The following LRP1B variants were observed in gnomAD, a reference collection of about 807,000 sequenced individuals.
LRP1B encodes the protein LDL receptor related protein 1B, also known as low-density lipoprotein receptor-related protein 1B.
Under a neutral mutation model 556.6 loss-of-function variants are expected in LRP1B, and 217 were observed. The observed-to-expected ratio is 0.39, with a 90% CI of 0.35 to 0.44. The LOEUF (loss-of-function observed/expected upper bound fraction) is 0.44, where lower values mean the gene tolerates loss of function less well. LRP1B is among the 20% of genes least tolerant of loss of function. The pLI is 1.00. For synonymous variants in LRP1B, 2,047 were observed against 1,865.8 expected, an observed-to-expected ratio of 1.10 and a Z score of -2.50; for missense variants, 5,053 against 5,620.8, an observed-to-expected ratio of 0.90 and a Z score of 3.23.
intron 3 of LRP1B, among the ~76,000 whole-genome samples, chr2:141,375,823 G>T (rs767081064): frequency 1.3e-5 from 2 of 152,166 alleles, no homozygotes; most frequent in African/African-American, 4.8e-5. Context: ...CTGTGGGGCA[G>T]TGAGTACTGC....
At chr2:141,974,297 T>C (rs528005929) in intron 1 of LRP1B, among the ~76,000 whole-genome samples, 7 of 152,128 alleles carry the variant, frequency 4.6e-5, no homozygotes, top group Admixed American at 1.3e-4. Context: ...ATTCCATGAC[T>C]GGCTGTAGCA....
chr2:141,330,217 A>C (rs1022110978), intron 3 of LRP1B, among the ~76,000 whole-genome samples: 7 of 152,224 alleles, frequency 4.6e-5, no homozygotes, highest in African/African-American at 1.7e-4. Context: ...ATGTAATCAA[A>C]TCAAATATGT....
At chr2:141,796,690 A>T (rs1695824200) in intron 2 of LRP1B, among the ~76,000 whole-genome samples, 1 of 151,588 alleles carries the variant, frequency 6.6e-6, no homozygotes, top group South Asian at 2.1e-4. Flanking sequence ...CATAACAGAG[A>T]CAGCTATATT....
chr2:141,757,941 T>C (rs1694382887), intron 2 of LRP1B, among the ~76,000 whole-genome samples: 1 of 152,108 alleles, frequency 6.6e-6, no homozygotes, highest in African/African-American at 2.4e-5. Flanking sequence ...ATAACAATGG[T>C]GAATGCAAAA....
chr2:142,115,532 TATTACATATGTAA>T (rs1707174289), intron 1 of LRP1B, among the ~76,000 whole-genome samples: 1 of 50,000 alleles, frequency 2.0e-5, no homozygotes, highest in African/African-American at 6.0e-5. Context: ...ATAATATATA[TATTACATATGTAA>T]TATATATATT....
chr2:140,300,832 T>G (rs1683788865), intron 83 of LRP1B, among the ~76,000 whole-genome samples: 1 of 152,080 alleles, frequency 6.6e-6, no homozygotes, highest in African/African-American at 2.4e-5. Flanking sequence ...TGTGAAGCAT[T>G]TCTAGCTGTA....
At chr2:141,439,122 A>C (rs1245516654) in intron 3 of LRP1B, among the ~76,000 whole-genome samples, 1 of 152,154 alleles carries the variant, frequency 6.6e-6, no homozygotes, top group Non-Finnish European at 1.5e-5. Context: ...ATGTTTAAAA[A>C]TGTTAAGATT....
chr2:140,337,257 T>A (rs546696502), intron 77 of LRP1B, among the ~76,000 whole-genome samples: 2 of 151,864 alleles, frequency 1.3e-5, no homozygotes, highest in Admixed American at 1.3e-4. Flanking sequence ...TATTGGACTT[T>A]AAAACTGAAA....
At chr2:140,633,244 T>C (rs1683953832) in intron 41 of LRP1B, among the ~76,000 whole-genome samples, 1 of 151,628 alleles carries the variant, frequency 6.6e-6, no homozygotes. Flanking sequence ...AGGAGAAGAC[T>C]CAAGAGTAGC....
At chr2:141,923,916 A>G (rs1427230214) in intron 1 of LRP1B, among the ~76,000 whole-genome samples, 1 of 152,042 alleles carries the variant, frequency 6.6e-6, no homozygotes, top group Non-Finnish European at 1.5e-5. Flanking sequence ...CATTGCACCC[A>G]AATATTTTCT....
intron 66 of LRP1B, among the ~76,000 whole-genome samples, chr2:140,418,215 G>T (rs1685281405): frequency 6.6e-6 from 1 of 152,170 alleles, no homozygotes; most frequent in African/African-American, 2.4e-5. Flanking sequence ...TGTGATTTTT[G>T]ATATGTTTCA....
intron 11 of LRP1B, among the ~76,000 whole-genome samples, chr2:141,039,950 T>A (rs1194949305): frequency 6.6e-6 from 1 of 152,104 alleles, no homozygotes; most frequent in Non-Finnish European, 1.5e-5. Flanking sequence ...TTTTCAAGAA[T>A]CAAATCTCAA....
At chr2:141,221,847 A>G (rs997329925) in intron 6 of LRP1B, among the ~76,000 whole-genome samples, 16 of 152,246 alleles carry the variant, frequency 1.1e-4, no homozygotes, top group Admixed American at 5.9e-4. Context: ...TAATGAAATT[A>G]AGGCAGAAAT....
chr2:140,806,900 C>T (rs1690737059), intron 32 of LRP1B, among the ~76,000 whole-genome samples: 1 of 152,170 alleles, frequency 6.6e-6, no homozygotes, highest in Non-Finnish European at 1.5e-5. Context: ...TGTATTTTCT[C>T]TTATCTCCAT....
intron 7 of LRP1B, among the ~76,000 whole-genome samples, chr2:141,173,556 C>T (rs1680599066): frequency 6.6e-6 from 1 of 152,088 alleles, no homozygotes; most frequent in South Asian, 2.1e-4. Context: ...ACTTATTTAG[C>T]TCTTTCAGAC....
At chr2:142,065,466 T>C (rs965629029) in intron 1 of LRP1B, among the ~76,000 whole-genome samples, 1 of 151,218 alleles carries the variant, frequency 6.6e-6, no homozygotes, top group African/African-American at 2.4e-5. Context: ...CATCTCCCTC[T>C]GACTCTCTTG....
chr2:140,802,445 G>T lies in LRP1B; in HGVS notation c.5359+11212C>A, dbSNP rs375785580. 8.5e-5 allele frequency among the ~76,000 whole-genome samples: 13 copies of T among 152,188 alleles called. No homozygotes were observed. The East Asian group carries it at 1.4e-3, about 16-fold the overall frequency. Reference sequence around the variant, plus strand: ...TAAAGACAAAGCATTTTCTACATGGGTTTAAGAAATACTAAATTATCCACG... The same window carrying T: ...TAAAGACAAAGCATTTTCTACATGGTTTTAAGAAATACTAAATTATCCACG... On this transcript the variant is annotated intron_variant, in intron 32 of 90. Transcript: ENST00000389484.
At chr2:141,490,027 A>AT (rs1382794724) in intron 2 of LRP1B, among the ~76,000 whole-genome samples, 1 of 152,092 alleles carries the variant, frequency 6.6e-6, no homozygotes, top group Non-Finnish European at 1.5e-5. Flanking sequence ...AAGGTGATTG[A>AT]TTTTGTCCAG....
At chr2:140,830,318 A>G (rs953490584) in intron 31 of LRP1B, among the ~76,000 whole-genome samples, 1 of 152,070 alleles carries the variant, frequency 6.6e-6, no homozygotes, top group Admixed American at 6.5e-5. Context: ...TAGGAAAACT[A>G]TATCCCTAAT....
Sources: gnomAD v4.1 joint callset for allele counts (sites outside exome capture counted in the v4.1 genomes callset) on GRCh38, gnomAD v4.1.1 for gene constraint, MANE v1.5 for transcripts, NCBI Gene and HGNC (gene_info 2026-07-23, HGNC 2026-07-21) for gene names.